The following DMD variants were observed in gnomAD, a reference collection of about 807,000 sequenced individuals.
The protein encoded by DMD is dystrophin.
Under a neutral mutation model 330.1 loss-of-function variants are expected in DMD, and 63 were observed. The observed-to-expected ratio is 0.19, with a 90% CI of 0.16 to 0.24. The LOEUF is 0.24. Among genes scored for constraint, DMD ranks in the 10% least tolerant of loss-of-function variants. The pLI is 1.00. For synonymous variants in DMD, 1,223 were observed against 959.8 expected (o/e 1.27, Z -5.07); for missense variants, 3,344 against 2,684.1 (o/e 1.25, Z -5.43).
At chrX:32,329,246 C>A (rs1277291841) in intron 41 of DMD, among the ~76,000 whole-genome samples, 1 of 112,112 alleles carries the variant, frequency 8.9e-6, no homozygotes, top group Non-Finnish European at 1.9e-5. Context: ...AGCTGATGTT[C>A]TAGAGCATGA....
At chrX:31,607,937 T>C (rs79096760) in intron 55 of DMD, among the ~76,000 whole-genome samples, 1,842 of 112,429 alleles carry the variant, frequency 0.016, 24 homozygotes, top group East Asian at 0.1. Context: ...TTGAGTACTA[T>C]AGCTTTGTAA....
At chrX:32,211,287 A>G (rs192822749) in intron 44 of DMD, among the ~76,000 whole-genome samples, 55 of 112,299 alleles carry the variant, frequency 4.9e-4, no homozygotes, top group Admixed American at 4.6e-3. Context: ...ACGTTAAACT[A>G]TAAGTTTTTC....
chrX:31,125,842 T>A (rs2033578689), intron 78 of DMD, among the ~76,000 whole-genome samples: 1 of 112,136 alleles, frequency 8.9e-6, no homozygotes, highest in Non-Finnish European at 1.9e-5. Context: ...TTTAATCGAA[T>A]TGGTTATTGT....
chrX:32,260,950 G>A (rs1267124865), intron 43 of DMD, among the ~76,000 whole-genome samples: 1 of 112,083 alleles, frequency 8.9e-6, no homozygotes, highest in Non-Finnish European at 1.9e-5. Flanking sequence ...GGGTTTATAA[G>A]TGCCAGACTA....
chrX:32,346,166 AAC>A lies in DMD; in HGVS notation c.5449-88_5449-87del. 6 of 1,012,856 alleles carry A rather than the reference AAC, an allele frequency of 5.9e-6. No individual in the cohort carries two copies. The East Asian group carries it at 9.3e-5, about 16-fold the overall frequency. The allele number at this position is 1,012,856 out of a possible 1,213,427, so 83.5% of individuals were successfully genotyped here. On this transcript the variant is annotated intron_variant, in intron 38 of 78. Transcript: ENST00000357033. ...CAGAGATAATAAGACATGTTATTTA[AAC>A]ACACACAAAAATCCAATTTAAAACT...
At chrX:31,460,883 T>C (rs1281756340) in intron 59 of DMD, among the ~76,000 whole-genome samples, 1 of 111,761 alleles carries the variant, frequency 8.9e-6, no homozygotes, top group Non-Finnish European at 1.9e-5. Context: ...CGGCCGGCCA[T>C]GACTAAATAT....
chrX:32,398,476 T>C (rs12394120), intron 30 of DMD, among the ~76,000 whole-genome samples: 3,306 of 110,734 alleles, frequency 0.03, 115 homozygotes, highest in African/African-American at 0.1. Context: ...TTATCAAATT[T>C]AGGTTAAACT....
chrX:32,113,209 G>A (rs1038008870), intron 44 of DMD, among the ~76,000 whole-genome samples: 3 of 112,612 alleles, frequency 2.7e-5, no homozygotes, highest in African/African-American at 3.2e-5. Flanking sequence ...CCTATGAGAC[G>A]TATCTGTTTT....
intron 55 of DMD, among the ~76,000 whole-genome samples, chrX:31,514,813 G>T (rs1007775670): frequency 2.7e-5 from 3 of 111,453 alleles, no homozygotes; most frequent in African/African-American, 9.8e-5. Flanking sequence ...TGGAACAAAA[G>T]AAAATATTCC....
intron 33 of DMD, 27 bp downstream of exon 33, chrX:32,386,283 G>A (rs753919605): frequency 3.3e-6 from 4 of 1,203,257 alleles, no homozygotes; most frequent in Non-Finnish European, 1.1e-6. Context: ...GTGGAAAGAA[G>A]TGTTTGTGGT....
chrX:32,083,795 GCTCTTCTGTTCTAGCCTC>G (rs1431421048), intron 44 of DMD, among the ~76,000 whole-genome samples: 21 of 112,652 alleles, frequency 1.9e-4, no homozygotes, highest in African/African-American at 4.8e-4. Flanking sequence ...ACTTCTGCCT[GCTCTTCTGTTCTAGCCTC>G]CTCTTCTGTT....
At chrX:32,049,308 C>G (rs763255616) in intron 44 of DMD, among the ~76,000 whole-genome samples, 3 of 111,394 alleles carry the variant, frequency 2.7e-5, no homozygotes, top group African/African-American at 9.8e-5. Flanking sequence ...GTATGGAAAG[C>G]TTTCAGAATG....
chrX:31,543,642 C>T (rs1471249434), intron 55 of DMD, among the ~76,000 whole-genome samples: 1 of 112,078 alleles, frequency 8.9e-6, no homozygotes, highest in Non-Finnish European at 1.9e-5. Flanking sequence ...TATATTATAG[C>T]TGTTAGCCTA....
At chrX:32,088,166 C>T (rs1222397978) in intron 44 of DMD, among the ~76,000 whole-genome samples, 1 of 112,042 alleles carries the variant, frequency 8.9e-6, no homozygotes, top group African/African-American at 3.2e-5. Flanking sequence ...CTATGGGCTT[C>T]TTTAAGGAAA....
intron 7 of DMD, among the ~76,000 whole-genome samples, chrX:32,744,344 C>T (rs1468234170): frequency 9.0e-6 from 1 of 110,708 alleles, no homozygotes; most frequent in African/African-American, 3.3e-5. Context: ...ATGATCAACC[C>T]TCCCACCTCT....
chrX:31,594,291 T>C (rs911203711), intron 55 of DMD, among the ~76,000 whole-genome samples: 12 of 110,193 alleles, frequency 1.1e-4, no homozygotes, highest in Non-Finnish European at 1.7e-4. Flanking sequence ...TTGAGAACCA[T>C]TGCAATAGAC....
chrX:31,875,505 C>G lies in DMD; in HGVS notation c.6913-132G>C, dbSNP rs2093955168. ...TTACTGATTTGTGTTATTTTAGCAG[C>G]ATAATATTGATTATTTACATATATT... On this transcript the variant is annotated intron_variant, in intron 47 of 78. Coordinates refer to ENST00000357033, the MANE Select transcript of DMD (RefSeq NM_004006.3). 2.4e-5 allele frequency: 12 copies of G among 495,419 alleles called. No individual in the cohort carries two copies. In the South Asian group the frequency reaches 3.4e-4, roughly 14 times the overall value. 40.8% of individuals were successfully genotyped at this position (495,419 alleles called of 1,213,427 possible). A position where few individuals can be genotyped will look rare whatever the true frequency, so the allele number is the denominator to read the frequency against.
intron 59 of DMD, among the ~76,000 whole-genome samples, chrX:31,454,951 C>CTT (rs61091457): frequency 0.015 from 1,186 of 80,128 alleles, 33 homozygotes; most frequent in African/African-American, 0.056. Context: ...TTTTCTTTTT[C>CTT]TTTTTTTTTT....
At chrX:31,618,550 G>A (rs1044299966) in intron 55 of DMD, among the ~76,000 whole-genome samples, 2 of 112,121 alleles carry the variant, frequency 1.8e-5, no homozygotes, top group African/African-American at 6.5e-5. Flanking sequence ...TATTAGATGA[G>A]TGATTTGAAG....
Sources: allele counts gnomAD v4.1 joint callset (sites outside exome capture counted in the v4.1 genomes callset), GRCh38; gene constraint gnomAD v4.1.1; transcripts MANE v1.5; gene names NCBI Gene and HGNC (gene_info 2026-07-23, HGNC 2026-07-21).